The following ZFP1 variants were observed in gnomAD, a reference collection of about 807,000 sequenced individuals.
ZFP1 encodes the protein zinc finger protein 1 homolog.
A neutral mutation model predicts 38.5 loss-of-function variants in ZFP1; 32 were observed. The observed-to-expected ratio is 0.83, with a 90% CI of 0.63 to 1.12. The LOEUF is 1.12. Ranked by LOEUF, ZFP1 falls within the 50% of genes most tolerant of loss-of-function variation. The pLI is 0.00. For synonymous variants in ZFP1, 245 were observed against 168.8 expected, an observed-to-expected ratio of 1.45 and a Z score of -3.50; for missense variants, 616 against 480.8, an observed-to-expected ratio of 1.28 and a Z score of -2.63.
chr16:75,164,998 T>C (rs1289844736), intron 2 of ZFP1, among the ~76,000 whole-genome samples: 1 of 151,878 alleles, frequency 6.6e-6, no homozygotes, highest in African/African-American at 2.4e-5. Context: ...AGAGACGGGG[T>C]TTCTCCATTT....
chr16:75,167,915 G>GA (rs1423753507), intron 3 of ZFP1, among the ~76,000 whole-genome samples: 4 of 152,134 alleles, frequency 2.6e-5, no homozygotes, highest in African/African-American at 7.2e-5. Flanking sequence ...ACAACATGGT[G>GA]AAAACCCCTC....
the ZFP1 span, among the ~76,000 whole-genome samples, chr16:75,131,572 C>G: frequency 1.3e-5 from 2 of 152,124 alleles, no homozygotes; most frequent in Admixed American, 1.3e-4. Flanking sequence ...GCTGGGTACA[C>G]ACTCCCCTCT....
chr16:75,139,185 C>T, the ZFP1 span, among the ~76,000 whole-genome samples: 3 of 151,802 alleles, frequency 2.0e-5, no homozygotes, highest in African/African-American at 7.2e-5. Flanking sequence ...CTCGCTAACA[C>T]GGCGAAACCC....
chr16:75,161,276 C>T (rs2037758539), intron 2 of ZFP1, among the ~76,000 whole-genome samples: 1 of 151,942 alleles, frequency 6.6e-6, no homozygotes, highest in Admixed American at 6.6e-5. Flanking sequence ...TCCACGTTGT[C>T]CAGGCTGGTC....
chr16:75,148,918 G>A (rs1472010888), intron 1 of ZFP1: 2 of 152,078 alleles, frequency 1.3e-5, no homozygotes, highest in Non-Finnish European at 2.9e-5. Flanking sequence ...GCCTCAGACG[G>A]GCGGCGAAGG....
At chr16:75,152,553 T>G (rs547088770) in intron 1 of ZFP1, among the ~76,000 whole-genome samples, 5 of 152,316 alleles carry the variant, frequency 3.3e-5, no homozygotes, top group African/African-American at 1.2e-4. Flanking sequence ...CTGCTGAAAT[T>G]CCCTATTTGT....
the ZFP1 span, among the ~76,000 whole-genome samples, chr16:75,124,346 G>C: frequency 1.3e-5 from 2 of 150,750 alleles, no homozygotes; most frequent in African/African-American, 4.9e-5. Flanking sequence ...TTTTAGTAGA[G>C]ACAGGGTTTT....
chr16:75,170,009 A>T lies in ZFP1; in HGVS notation c.899A>T (p.Glu300Val), dbSNP rs1239954607. 1 of 1,614,198 alleles carries T rather than the reference A, an allele frequency of 6.2e-7. No individual in the cohort carries two copies. Residue 300 changes from glutamate (E) to valine (V), a missense_variant, in exon 4 of 4, where the codon GAA becomes GTA. Glu to Val is a moderately radical substitution (Grantham distance 121). Coordinates refer to ENST00000570010, the MANE Select transcript of ZFP1 (RefSeq NM_153688.4). ...HTGERPYECNECAKTFFKKSN... is the reference protein window; with the variant it reads ...HTGERPYECNVCAKTFFKKSN... ...GGAGAGCGACCCTATGAGTGTAACGAATGTGCAAAAACCTTCTTTAAGAAG... is the reference window on the plus strand; with the variant it reads ...GGAGAGCGACCCTATGAGTGTAACGTATGTGCAAAAACCTTCTTTAAGAAG...
At chr16:75,163,553 C>G (rs2037898932) in intron 2 of ZFP1, among the ~76,000 whole-genome samples, 1 of 151,784 alleles carries the variant, frequency 6.6e-6, no homozygotes, top group Non-Finnish European at 1.5e-5. Context: ...CTCAGGTGAT[C>G]CACCTGCGTC....
chr16:75,120,648 C>A, the ZFP1 span, among the ~76,000 whole-genome samples: 2 of 151,906 alleles, frequency 1.3e-5, no homozygotes, highest in African/African-American at 4.8e-5. Context: ...GTCGCCCAGG[C>A]TGGAGTGCAG....
chr16:75,143,206 A>G, the ZFP1 span, among the ~76,000 whole-genome samples: 4 of 152,148 alleles, frequency 2.6e-5, no homozygotes, highest in African/African-American at 4.8e-5. Flanking sequence ...ACATCACACA[A>G]TCTGAGTACG....
At chr16:75,166,932 C>G (rs569308046) in intron 3 of ZFP1, 36 bp downstream of exon 3, 2 of 1,594,672 alleles carry the variant, frequency 1.3e-6, no homozygotes, top group East Asian at 2.2e-5. Context: ...CACCATGTGC[C>G]TAGAGGTATT....
chr16:75,145,137 A>C (rs1203789929), upstream of ZFP1, among the ~76,000 whole-genome samples: 1 of 152,246 alleles, frequency 6.6e-6, no homozygotes. Context: ...ACCTTTGGAT[A>C]TTGTGAATAA....
At chr16:75,152,871 C>G in intron 1 of ZFP1, 38 bp from the exon 2 acceptor site, 1 of 1,590,190 alleles carries the variant, frequency 6.3e-7, no homozygotes, top group African/African-American at 1.3e-5. Context: ...GCAGGTCAGA[C>G]CTTTAATAAC....
the ZFP1 span, among the ~76,000 whole-genome samples, chr16:75,142,961 C>CA: frequency 6.6e-6 from 1 of 152,174 alleles, no homozygotes; most frequent in African/African-American, 2.4e-5. Context: ...CTTGGCCTCC[C>CA]AAAGTGCTGG....
At chr16:75,128,034 G>T in the ZFP1 span, 1 of 152,196 alleles carries the variant, frequency 6.6e-6, no homozygotes, top group Non-Finnish European at 1.5e-5. Context: ...GGACACCATT[G>T]GAGAAACTAG....
At chr16:75,136,243 A>G in the ZFP1 span, among the ~76,000 whole-genome samples, 1 of 152,242 alleles carries the variant, frequency 6.6e-6, no homozygotes, top group South Asian at 2.1e-4. Context: ...GGGTTGGGGA[A>G]AAAGGCGCTG....
chr16:75,120,583 TG>T, the ZFP1 span, among the ~76,000 whole-genome samples: 1 of 151,870 alleles, frequency 6.6e-6, no homozygotes, highest in African/African-American at 2.4e-5. Context: ...TGGGTTTTTT[TG>T]TTTTTTGTTT....
chr16:75,120,102 C>T, the ZFP1 span, among the ~76,000 whole-genome samples: 2 of 152,058 alleles, frequency 1.3e-5, no homozygotes, highest in African/African-American at 2.4e-5. Flanking sequence ...TAAAAGTCAG[C>T]TTAATTAAAA....
Sources: gnomAD v4.1 joint callset for allele counts (sites outside exome capture counted in the v4.1 genomes callset) on GRCh38, gnomAD v4.1.1 for gene constraint, MANE v1.5 for transcripts, NCBI Gene and HGNC (gene_info 2026-07-23, HGNC 2026-07-21) for gene names.